ITSN1: variants seen among roughly 807,000 people sequenced by gnomAD.
ITSN1 encodes the protein intersectin 1, also known as intersectin-1.
ITSN1 carries 58 observed loss-of-function variants against 239.8 expected under a neutral mutation model. The observed-to-expected ratio is 0.24, with a 90% confidence interval of 0.20 to 0.30. ITSN1 has a LOEUF of 0.30. Among genes scored for constraint, ITSN1 ranks in the 10% least tolerant of loss-of-function variants. The probability of loss-of-function intolerance (pLI) is 1.00; values close to 1 mark genes in which losing one functional copy is unlikely to be tolerated. For missense variants in ITSN1, 1,558 were observed against 2,103.3 expected, an observed-to-expected ratio of 0.74 and a Z score of 5.07; for synonymous variants, 780 against 770.8, an observed-to-expected ratio of 1.01 and a Z score of -0.20.
chr21:33,740,470 TG>T, intron 5 of ITSN1, among the ~76,000 whole-genome samples: 1 of 152,200 alleles, frequency 6.6e-6, no homozygotes, highest in East Asian at 1.9e-4. Flanking sequence ...AAGGAGGGAA[TG>T]CTCCATTGTT....
chr21:33,647,977 C>T (rs1243081202), intron 1 of ITSN1, among the ~76,000 whole-genome samples: 1 of 152,208 alleles, frequency 6.6e-6, no homozygotes, highest in Non-Finnish European at 1.5e-5. Flanking sequence ...AAAGCCTATG[C>T]TAAATTTTAG....
At chr21:33,802,400 T>A in intron 19 of ITSN1, 30 bp from the exon 20 acceptor site, 2 of 1,611,722 alleles carry the variant, frequency 1.2e-6, no homozygotes, top group Non-Finnish European at 1.7e-6. Flanking sequence ...TATTTTGCCT[T>A]GCTTTCAAAC....
intron 12 of ITSN1, among the ~76,000 whole-genome samples, 162 bp downstream of exon 12, chr21:33,772,485 C>T (rs1430468211): frequency 6.6e-6 from 1 of 152,162 alleles, no homozygotes; most frequent in African/African-American, 2.4e-5. Context: ...AGAACATTTT[C>T]ATCACTCCAG....
At chr21:33,778,383 G>A (rs1417306959) in intron 14 of ITSN1, among the ~76,000 whole-genome samples, 2 of 151,904 alleles carry the variant, frequency 1.3e-5, no homozygotes, top group Admixed American at 6.6e-5. Context: ...AATTTTGGTG[G>A]CATTCACCAG....
chr21:33,748,989 C>CT (rs10714954), intron 5 of ITSN1, among the ~76,000 whole-genome samples: 228 of 140,406 alleles, frequency 1.6e-3, no homozygotes, highest in South Asian at 8.7e-3. Flanking sequence ...AGCTTTTTTA[C>CT]TTTTTTTTTT....
At chr21:33,798,855 A>T (rs192363569) in intron 18 of ITSN1, among the ~76,000 whole-genome samples, 1 of 152,246 alleles carries the variant, frequency 6.6e-6, no homozygotes, top group African/African-American at 2.4e-5. Context: ...ACCATGTCAT[A>T]GGAGGGGCAA....
chr21:33,744,664 T>C (rs775820693), intron 5 of ITSN1, among the ~76,000 whole-genome samples: 16 of 152,190 alleles, frequency 1.1e-4, no homozygotes, highest in Non-Finnish European at 2.1e-4. Context: ...CTTGTAATAC[T>C]GGTCAGCAAG....
intron 20 of ITSN1, among the ~76,000 whole-genome samples, chr21:33,803,878 G>A (rs1309822597): frequency 1.3e-5 from 2 of 152,164 alleles, no homozygotes; most frequent in African/African-American, 4.8e-5. Flanking sequence ...TCGTTGGCTT[G>A]CAGAAGGGAC....
intron 1 of ITSN1, among the ~76,000 whole-genome samples, chr21:33,645,631 CAG>C (rs752297107): frequency 1.1e-4 from 17 of 152,234 alleles, no homozygotes; most frequent in African/African-American, 2.2e-4. Context: ...GCCTGGGCGA[CAG>C]AGAGAGCGAG....
chr21:33,862,599 C>T (rs114451788), intron 31 of ITSN1, among the ~76,000 whole-genome samples: 465 of 152,138 alleles, frequency 3.1e-3, no homozygotes, highest in African/African-American at 9.7e-3. Context: ...GGCGAGATGG[C>T]GGGAGCAGGG....
At chr21:33,763,861 A>C (rs573805282) in intron 9 of ITSN1, among the ~76,000 whole-genome samples, 1 of 152,342 alleles carries the variant, frequency 6.6e-6, no homozygotes, top group East Asian at 1.9e-4. Flanking sequence ...CTTTGTCTAC[A>C]AGACTCACTG....
Position 33,721,823 on chromosome 21 carries a change from A to G in ITSN1, c.121+553A>G, listed in dbSNP as rs573301683. 8 of 151,876 alleles carry G rather than the reference A, an allele frequency of 5.3e-5. No homozygotes were observed. In the East Asian group the frequency reaches 1.6e-3, roughly 29 times the overall value. 9.4% of individuals were successfully genotyped at this position (151,876 alleles called of 1,614,324 possible). On this transcript the variant is annotated intron_variant, in intron 3 of 39. Transcript: ENST00000381318. ...ATAAACAAACTAATTTTCCTGTTTG[A>G]TTATTTTTCAGAATTCACTTTATAA...
chr21:33,860,458 G>C (rs1980294904), intron 31 of ITSN1, among the ~76,000 whole-genome samples: 1 of 152,236 alleles, frequency 6.6e-6, no homozygotes, highest in African/African-American at 2.4e-5. Context: ...CCCACTTCAG[G>C]GTTGGCCTGA....
chr21:33,883,701 C>T (rs771350594), intron 36 of ITSN1, 30 bp downstream of exon 36: 105 of 1,608,604 alleles, frequency 6.5e-5, no homozygotes, highest in South Asian at 2.6e-4. Context: ...CAGCATGGGC[C>T]CCAGGGCTCC....
At chr21:33,733,801 A>G (rs145723624) in intron 4 of ITSN1, among the ~76,000 whole-genome samples, 1 of 152,336 alleles carries the variant, frequency 6.6e-6, no homozygotes, top group East Asian at 1.9e-4. Context: ...GGGAACTCCT[A>G]TCTGAGGCAA....
At chr21:33,704,651 T>C (rs2092164820) in intron 1 of ITSN1, among the ~76,000 whole-genome samples, 1 of 152,168 alleles carries the variant, frequency 6.6e-6, no homozygotes, top group Admixed American at 6.5e-5. Context: ...TTATAAGCTA[T>C]TACTATTAAG....
chr21:33,804,879 C>T (rs2072293131), intron 20 of ITSN1, among the ~76,000 whole-genome samples: 4 of 152,278 alleles, frequency 2.6e-5, no homozygotes, highest in African/African-American at 7.2e-5. Flanking sequence ...AAAAAAAACT[C>T]ATAATGTTTT....
At chr21:33,668,771 A>G (rs1307580928) in intron 1 of ITSN1, among the ~76,000 whole-genome samples, 1 of 152,162 alleles carries the variant, frequency 6.6e-6, no homozygotes, top group Non-Finnish European at 1.5e-5. Context: ...TTCCCAGTGG[A>G]ACAGTGCAAG....
intron 1 of ITSN1, among the ~76,000 whole-genome samples, chr21:33,673,051 A>T (rs2090391995): frequency 6.6e-6 from 1 of 152,216 alleles, no homozygotes. Context: ...AAAAAAATAA[A>T]TTGGGGCATA....
Sources: gnomAD v4.1 joint callset for allele counts (sites outside exome capture counted in the v4.1 genomes callset) on GRCh38, gnomAD v4.1.1 for gene constraint, MANE v1.5 for transcripts, NCBI Gene and HGNC (gene_info 2026-07-23, HGNC 2026-07-21) for gene names.